Variants in CHCHD5 observed in about 807,000 individuals in gnomAD.
CHCHD5 encodes the protein coiled-coil-helix-coiled-coil-helix domain-containing protein 5.
Under a neutral mutation model 16.0 loss-of-function variants are expected in CHCHD5, and 10 were observed. That is an observed-to-expected ratio of 0.63 (90% CI 0.39 to 1.06). The LOEUF (loss-of-function observed/expected upper bound fraction) is 1.06. Among genes scored for constraint, CHCHD5 ranks in the 50% least tolerant of loss-of-function variants. CHCHD5 has a pLI of 0.01. For missense variants in CHCHD5, 163 were observed against 153.4 expected (o/e 1.06, Z -0.33); for synonymous variants, 55 against 56.3 (o/e 0.98, Z 0.10).
At position 112,585,939 on chromosome 2, in the gene CHCHD5, GCCTGGAATGATCCTCAGCCCAT is replaced by G; in HGVS notation, c.3-30_3-9del. On this transcript the variant is annotated splice_polypyrimidine_tract_variant and intron_variant, in intron 1 of 3. Transcript: ENST00000324913. ...AAAAGAATTCCCTTGCTTGCCTACT[GCCTGGAATGATCCTCAGCCCAT>G]CCTGTCCCACAGGCAGGCGGCCCTA... The G allele has an allele frequency of 6.3e-7, 1 of 1,596,708 alleles. No homozygotes were observed. The highest frequency in any genetic ancestry group is 8.5e-7 in the Non-Finnish European group (1 of 1,170,562).
intron 1 of CHCHD5, among the ~76,000 whole-genome samples, chr2:112,585,334 T>A (rs1400838855): frequency 6.6e-6 from 1 of 152,226 alleles, no homozygotes; most frequent in Non-Finnish European, 1.5e-5. Flanking sequence ...TTCTAGATCT[T>A]TCTTCTAAGG....
upstream of CHCHD5, chr2:112,584,527 GGTT>G (rs1443271861): frequency 3.9e-5 from 49 of 1,241,674 alleles, no homozygotes; most frequent in Middle Eastern, 1.4e-3. Flanking sequence ...AAGGGAACGG[GGTT>G]GTTAGTTCAA....
chr2:112,588,836 C>G (rs3748024), intron 3 of CHCHD5, 30 bp from the exon 4 acceptor site: 691,373 of 1,573,970 alleles, frequency 0.44, 159,736 homozygotes, highest in Non-Finnish European at 0.47. Context: ...AGAGGAGGTG[C>G]TACTAGATGT....
upstream of CHCHD5, chr2:112,584,584 C>T (rs1685144130): frequency 1.2e-6 from 2 of 1,610,208 alleles, no homozygotes; most frequent in East Asian, 4.5e-5. Context: ...GCCGCCATGA[C>T]AACCGATACC....
In CHCHD5 at chr2:112,588,858, C is replaced by A. The variant is rs775233413; in HGVS notation, c.310-8C>A. The A allele has an allele frequency of 1.2e-6, 2 of 1,610,752 alleles. No homozygotes were observed. The highest frequency in any genetic ancestry group is 1.7e-6 in the Non-Finnish European group (2 of 1,177,232). On this transcript the variant is annotated splice_region_variant and splice_polypyrimidine_tract_variant and intron_variant, in intron 3 of 3. Coordinates refer to ENST00000324913, the MANE Select transcript of CHCHD5 (RefSeq NM_032309.4). ...GTGCTACTAGATGTTGATGTACTTT[C>A]TCCACAGGCACAGCCACTTCCTGCC...
intron 3 of CHCHD5, 41 bp downstream of exon 3, chr2:112,586,406 C>G (rs1425092367): frequency 5.6e-6 from 9 of 1,613,696 alleles, no homozygotes; most frequent in Non-Finnish European, 7.6e-6. Flanking sequence ...TTCTCCATAA[C>G]ATCCCCTTCA....
At chr2:112,586,464 ACC>A in intron 3 of CHCHD5, 99 bp downstream of exon 3, 1 of 1,574,212 alleles carries the variant, frequency 6.4e-7, no homozygotes, top group Middle Eastern at 1.7e-4. Flanking sequence ...CCTCAGCCCC[ACC>A]CCATCACCAC....
At chr2:112,584,884 C>A in intron 1 of CHCHD5, 1 of 581,632 alleles carries the variant, frequency 1.7e-6, no homozygotes, top group Non-Finnish European at 3.1e-6. Flanking sequence ...TCGGTCCAGT[C>A]ACTCTTCACC....
In CHCHD5 at chr2:112,586,278, A is replaced by G; in HGVS notation, c.222A>G (p.Ala74=). The G allele has an allele frequency of 6.2e-7, 1 of 1,614,200 alleles. No individual in the cohort carries two copies. Residue 74 remains alanine, a synonymous_variant, in exon 3 of 4, where the codon GCA becomes GCG. Coordinates refer to ENST00000324913, the MANE Select transcript of CHCHD5 (RefSeq NM_032309.4). ...AFEECLRQNE[A]AVGNCAEHMR... ...AGGAGTGTCTTCGACAGAACGAGGC[A>G]GCTGTGGGCAACTGTGCAGAGCATA...
At chr2:112,588,525 C>T (rs1322768231) in intron 3 of CHCHD5, 3 of 294,680 alleles carry the variant, frequency 1.0e-5, no homozygotes, top group South Asian at 4.9e-5. Context: ...CCTCCCATTC[C>T]GCACACACCT....
intron 3 of CHCHD5, 152 bp downstream of exon 3, chr2:112,586,517 C>T: frequency 1.3e-6 from 2 of 1,550,760 alleles, no homozygotes; most frequent in Non-Finnish European, 1.7e-6. Flanking sequence ...AACATCATCA[C>T]TTCTTGCCCC....
chr2:112,586,185 G>C lies in CHCHD5; in HGVS notation c.144-15G>C, dbSNP rs1316684760. Reference sequence around the variant, plus strand: ...GTGGGAATCTCCCAGGGGCTGAACTGCCCTACCCCCACAGCCCAATCATCC... The same window carrying C: ...GTGGGAATCTCCCAGGGGCTGAACTCCCCTACCCCCACAGCCCAATCATCC... On this transcript the variant is annotated splice_polypyrimidine_tract_variant and intron_variant, in intron 2 of 3. Transcript: ENST00000324913. 8 of 1,609,686 alleles carry C rather than the reference G, an allele frequency of 5.0e-6. No individual in the cohort carries two copies. The South Asian group carries it at 8.8e-5, about 18-fold the overall frequency.
rs923356092 is a variant in CHCHD5 at position 112,586,751 on chromosome 2, C to CT, written c.309+387dup. On this transcript the variant is annotated intron_variant, in intron 3 of 3. Transcript: ENST00000324913. Reference sequence around the variant, plus strand: ...AAAGTCCAGGTCCTTGCTGGGTTCTCTGTGTTCTTCCCTAGGCTGACTTCA... The same window carrying CT: ...AAAGTCCAGGTCCTTGCTGGGTTCTCTTGTGTTCTTCCCTAGGCTGACTTCA... 4.2e-6 allele frequency: 3 copies of CT among 706,598 alleles called. No homozygotes were observed. In the African/African-American group the frequency reaches 5.3e-5, roughly 13 times the overall value. 43.8% of individuals were successfully genotyped at this position (706,598 alleles called of 1,614,324 possible). A position where few individuals can be genotyped will look rare whatever the true frequency, so the allele number is the denominator to read the frequency against.
Position 112,588,961 on chromosome 2 carries a change from A to T in CHCHD5, c.*72A>T. On this transcript the variant is annotated 3_prime_UTR_variant, in exon 4 of 4. Coordinates refer to ENST00000324913, the MANE Select transcript of CHCHD5 (RefSeq NM_032309.4). Reference sequence around the variant, plus strand: ...CGCCCCTCCCCTGCAGAGTGGCCAGATGGAGTCCTGAGCCCTGGACATGGG... The same window carrying T: ...CGCCCCTCCCCTGCAGAGTGGCCAGTTGGAGTCCTGAGCCCTGGACATGGG... 2 of 1,163,182 alleles carry T rather than the reference A, an allele frequency of 1.7e-6. No homozygotes were observed. The highest frequency in any genetic ancestry group is 1.2e-5 in the South Asian group (1 of 80,094). 72.1% of individuals were successfully genotyped at this position (1,163,182 alleles called of 1,614,324 possible). A position where few individuals can be genotyped will look rare whatever the true frequency, so the allele number is the denominator to read the frequency against.
intron 3 of CHCHD5, chr2:112,586,814 A>G (rs1685240928): frequency 2.2e-6 from 1 of 458,782 alleles, no homozygotes; most frequent in Non-Finnish European, 3.8e-6. Context: ...CTTTCTCACT[A>G]CTCCTCATCT....
At chr2:112,585,927 T>A (rs768245457) in intron 1 of CHCHD5, 47 bp from the exon 2 acceptor site, 1 of 1,571,086 alleles carries the variant, frequency 6.4e-7, no homozygotes, top group South Asian at 1.2e-5. Context: ...AGAATTCCCT[T>A]GCTTGCCTAC....
rs779350982 is a variant in CHCHD5, at chr2:112,586,102, G to A, written c.131G>A (p.Cys44Tyr). The A allele has an allele frequency of 2.5e-6, 4 of 1,611,560 alleles. No individual in the cohort carries two copies. The Admixed American group carries it at 5.0e-5, about 20-fold the overall frequency. The stretch of plus-strand genomic sequence containing the variant: ...TACCTTAAGATGAGCATTGCCCAGT[G>A]CACATCCTCCCAGTGAGTGCGGGCA... ...CHYLKMSIAQCTSSHPIIRQI... is the reference protein window; with the variant it reads ...CHYLKMSIAQYTSSHPIIRQI... Residue 44 changes from cysteine to tyrosine, a missense_variant, in exon 2 of 4, where the codon TGC (cysteine) becomes TAC (tyrosine). By Grantham distance (194) the Cys-to-Tyr change is radical. Coordinates refer to ENST00000324913, the MANE Select transcript of CHCHD5 (RefSeq NM_032309.4).
In CHCHD5 at chr2:112,586,705, C is replaced by T. The variant is rs796872051; in HGVS notation, c.309+340C>T. ...ACCTATGCTTAAAGCTCTCCAGTGG[C>T]TTTGTGTCACATTGAGAACAAAAGT... On this transcript the variant is annotated intron_variant, in intron 3 of 3. Transcript: ENST00000324913. The T allele has an allele frequency of 1.0e-5, 11 of 1,099,642 alleles. No individual in the cohort carries two copies. The African/African-American group carries it at 1.3e-4, about 13-fold the overall frequency. The allele number at this position is 1,099,642 out of a possible 1,614,324, so 68.1% of individuals were successfully genotyped here.
At chr2:112,586,170 C>T (rs370320631) in intron 2 of CHCHD5, 30 bp from the exon 3 acceptor site, 4 of 1,609,762 alleles carry the variant, frequency 2.5e-6, no homozygotes, top group African/African-American at 2.7e-5. Context: ...GTGGGAATCT[C>T]CCAGGGGCTG....
Sources: gnomAD v4.1 joint callset for allele counts (sites outside exome capture counted in the v4.1 genomes callset) on GRCh38, gnomAD v4.1.1 for gene constraint, MANE v1.5 for transcripts, NCBI Gene and HGNC (gene_info 2026-07-23, HGNC 2026-07-21) for gene names.